Variants in EFCAB6 observed in about 807,000 individuals in gnomAD.
EFCAB6 encodes the protein EF-hand calcium-binding domain-containing protein 6.
A neutral mutation model predicts 169.8 loss-of-function variants in EFCAB6; 156 were observed. That is an observed-to-expected ratio of 0.92 (90% CI 0.81 to 1.05). The LOEUF is 1.05. EFCAB6 is among the 50% of genes least tolerant of loss of function. EFCAB6 has a pLI of 0.00. For missense variants in EFCAB6, 1,800 were observed against 1,829.1 expected (o/e 0.98, Z 0.29); for synonymous variants, 698 against 676.4 (o/e 1.03, Z -0.50).
intron 6 of EFCAB6, among the ~76,000 whole-genome samples, chr22:43,739,865 G>A (rs991891856): frequency 8.6e-5 from 13 of 152,028 alleles, no homozygotes; most frequent in African/African-American, 3.1e-4. Flanking sequence ...CCACGAAGCA[G>A]CCAAGGAGTT....
At chr22:43,568,698 C>T (rs1374885919) in intron 26 of EFCAB6, among the ~76,000 whole-genome samples, 1 of 152,132 alleles carries the variant, frequency 6.6e-6, no homozygotes, top group African/African-American at 2.4e-5. Flanking sequence ...TGGGGCCTGG[C>T]TGAGGTCCTG....
chr22:43,626,495 C>A lies in EFCAB6; in HGVS notation c.2417G>T (p.Cys806Phe), dbSNP rs374615151. 7.4e-6 allele frequency: 12 copies of A among 1,614,108 alleles called. No individual in the cohort carries two copies. The highest frequency in any genetic ancestry group is 1.3e-5 in the African/African-American group (1 of 74,930). The change falls in exon 20 of 32, where the codon TGT (cysteine) becomes TTT (phenylalanine). Residue 806 changes from cysteine to phenylalanine, a missense_variant. Physicochemically the swap from Cys to Phe is radical, Grantham distance 205. Transcript: ENST00000262726. Reference protein sequence around the residue: ...TLNFREFQNLCEKRPWRTDEA... With the variant: ...TLNFREFQNLFEKRPWRTDEA... ...ATCTGTTCTCCATGGTCTCTTCTCA[C>A]ACAAATTTTGAAATTCCCGAAAATT...
At chr22:43,577,393 T>C (rs375410553) in intron 25 of EFCAB6, among the ~76,000 whole-genome samples, 19 of 152,306 alleles carry the variant, frequency 1.2e-4, no homozygotes, top group African/African-American at 3.6e-4. Context: ...GGTGATGGCA[T>C]ATGTGTAATC....
intron 8 of EFCAB6, among the ~76,000 whole-genome samples, chr22:43,723,573 A>G (rs923186981): frequency 6.6e-6 from 1 of 152,228 alleles, no homozygotes; most frequent in Non-Finnish European, 1.5e-5. Context: ...TTTTTAAATT[A>G]TCAGGGCATC....
chr22:43,666,691 G>GTTTTTTTTT (rs137764), intron 17 of EFCAB6, among the ~76,000 whole-genome samples: 12 of 77,866 alleles, frequency 1.5e-4, no homozygotes, highest in Non-Finnish European at 2.3e-4. Flanking sequence ...CTGCCAGATT[G>GTTTTTTTTT]TTTTTTTTTT....
intron 6 of EFCAB6, among the ~76,000 whole-genome samples, chr22:43,739,446 C>G (rs1410473884): frequency 2.0e-5 from 3 of 152,100 alleles, no homozygotes; most frequent in African/African-American, 7.2e-5. Context: ...GTCCTCAGCC[C>G]TCTCTGCTTC....
At chr22:43,772,358 G>A (rs1353293258) in intron 4 of EFCAB6, among the ~76,000 whole-genome samples, 5 of 152,288 alleles carry the variant, frequency 3.3e-5, no homozygotes, top group Admixed American at 2.6e-4. Context: ...ATGAAAAGAA[G>A]GCCGGGTGCA....
At chr22:43,702,694 C>T (rs899415777) in intron 10 of EFCAB6, among the ~76,000 whole-genome samples, 2 of 152,072 alleles carry the variant, frequency 1.3e-5, no homozygotes, top group South Asian at 2.1e-4. Flanking sequence ...GGAGACAAAG[C>T]GGGAGCTCTG....
chr22:43,616,117 G>C (rs531823091), intron 20 of EFCAB6, among the ~76,000 whole-genome samples, 195 bp from the exon 21 acceptor site: 1 of 152,100 alleles, frequency 6.6e-6, no homozygotes, highest in Non-Finnish European at 1.5e-5. Context: ...CTTAAATTTT[G>C]TAAGTCCTTG....
At chr22:43,719,640 C>T (rs2059453109) in intron 8 of EFCAB6, among the ~76,000 whole-genome samples, 1 of 152,132 alleles carries the variant, frequency 6.6e-6, no homozygotes, top group African/African-American at 2.4e-5. Context: ...ACATATTTTC[C>T]CCCAAAAAAT....
In EFCAB6 at chr22:43,537,628, T is replaced by TG; in HGVS notation, c.3880-84dup. The TG allele has an allele frequency of 6.9e-7, 1 of 1,451,692 alleles. No homozygotes were observed. The highest frequency in any genetic ancestry group is 9.2e-7 in the Non-Finnish European group (1 of 1,090,042). The allele number at this position is 1,451,692 out of a possible 1,614,324, so 89.9% of individuals were successfully genotyped here. ...AAAAATACCTCAATACCTCCAGTTT[T>TG]GAGGTTCACAATTTTAGAGGCAGAA... On this transcript the variant is annotated intron_variant, in intron 28 of 31. Transcript: ENST00000262726. The surrounding 1 kb of genome is among the most constrained non-coding windows in gnomAD (Gnocchi z 4.3).
At chr22:43,684,557 T>A (rs996527049) in intron 11 of EFCAB6, among the ~76,000 whole-genome samples, 2 of 152,228 alleles carry the variant, frequency 1.3e-5, no homozygotes, top group African/African-American at 4.8e-5. Context: ...ACCTTTCCCA[T>A]GAAACAATGA....
At position 43,600,333 on chromosome 22, in the gene EFCAB6, G is replaced by A. The variant is rs368521897; in HGVS notation, c.2682-70C>T. 1.0e-5 allele frequency: 15 copies of A among 1,484,436 alleles called. No individual in the cohort carries two copies. The African/African-American group carries it at 1.8e-4, about 18-fold the overall frequency. 92.0% of individuals were successfully genotyped at this position (1,484,436 alleles called of 1,614,324 possible). A position where few individuals can be genotyped will look rare whatever the true frequency, so the allele number is the denominator to read the frequency against. ...AAGGTGTGCTGATGCTCAGGGTTTG[G>A]AAAATGCCTGCACCATCCATGAGGA... On this transcript the variant is annotated intron_variant, in intron 22 of 31. Transcript: ENST00000262726.
intron 22 of EFCAB6, among the ~76,000 whole-genome samples, chr22:43,604,286 G>A (rs981953243): frequency 6.6e-6 from 1 of 152,170 alleles, no homozygotes; most frequent in African/African-American, 2.4e-5. Flanking sequence ...TATTCAGTAT[G>A]TTCTGATGAA....
At chr22:43,570,913 G>A (rs944798044) in intron 26 of EFCAB6, among the ~76,000 whole-genome samples, 1 of 152,212 alleles carries the variant, frequency 6.6e-6, no homozygotes, top group Non-Finnish European at 1.5e-5. Flanking sequence ...CCCCCACCAT[G>A]GAGCCCTGGG....
intron 27 of EFCAB6, among the ~76,000 whole-genome samples, chr22:43,542,682 A>T (rs907522904): frequency 6.6e-6 from 1 of 152,040 alleles, no homozygotes; most frequent in Non-Finnish European, 1.5e-5. Context: ...AGGGTGGAGG[A>T]GGCAGCACCG....
intron 5 of EFCAB6, among the ~76,000 whole-genome samples, chr22:43,764,932 C>G (rs1254626646): frequency 6.7e-6 from 1 of 149,426 alleles, no homozygotes; most frequent in Non-Finnish European, 1.5e-5. Context: ...TTTCCAATAA[C>G]AACATTAAAA....
intron 26 of EFCAB6, among the ~76,000 whole-genome samples, chr22:43,556,251 G>C (rs2048699718): frequency 6.6e-6 from 1 of 152,150 alleles, no homozygotes; most frequent in African/African-American, 2.4e-5. Context: ...CTGGGAAGCA[G>C]CTCTGACATG....
chr22:43,810,348 A>T (rs1198739588), intron 1 of EFCAB6, among the ~76,000 whole-genome samples: 1 of 152,258 alleles, frequency 6.6e-6, no homozygotes. Flanking sequence ...GGAAAGAAAA[A>T]GTAACAAATG....
Sources: allele counts gnomAD v4.1 joint callset (sites outside exome capture counted in the v4.1 genomes callset), GRCh38; gene constraint gnomAD v4.1.1; non-coding constraint Gnocchi (gnomAD v3.1); transcripts MANE v1.5; gene names NCBI Gene and HGNC (gene_info 2026-07-23, HGNC 2026-07-21).